The following CEP295NL variants were observed in gnomAD, a reference collection of about 807,000 sequenced individuals.
CEP295NL encodes CEP295 N-terminal like, also known as protein DDC8 homolog.
Under a neutral mutation model 4.6 loss-of-function variants are expected in CEP295NL, and 3 were observed. That is an observed-to-expected ratio of 0.65 (90% CI 0.30 to 1.69). The LOEUF (loss-of-function observed/expected upper bound fraction) is 1.69, where lower values mean the gene tolerates loss of function less well. Among genes scored for constraint, CEP295NL ranks in the 40% most tolerant of loss-of-function variants. CEP295NL has a pLI of 0.10. For missense variants in CEP295NL, 719 were observed against 769.0 expected (o/e 0.93, Z 0.77); for synonymous variants, 295 against 312.2 (o/e 0.94, Z 0.58).
chr17:78,893,351 G>T (rs1035439732), intron 2 of CEP295NL, among the ~76,000 whole-genome samples: 1 of 147,278 alleles, frequency 6.8e-6, no homozygotes, highest in Non-Finnish European at 1.5e-5. Context: ...GTGTGCAGGG[G>T]TGTGTGTGCA....
rs2069888734 is a variant in CEP295NL, at chr17:78,891,289, T to C, written c.1215A>G (p.Glu405=). Reference sequence around the variant, plus strand: ...CCTCCTCCTCTGCTGGGCTCCTGGGTTCCCCGGCAGGCAGCATCTCTGGGT... The same window carrying C: ...CCTCCTCCTCTGCTGGGCTCCTGGGCTCCCCGGCAGGCAGCATCTCTGGGT... ...MADPEMLPAG[E]PRSPAEEEAQ... is the part of the protein sequence containing the mutation. Residue 405 remains glutamate, a synonymous_variant, in exon 3 of 3, where the codon GAA becomes GAG. Coordinates refer to ENST00000322630, the MANE Select transcript of CEP295NL (RefSeq NM_001243540.2). The surrounding 1 kb of genome is among the most constrained non-coding windows in gnomAD (Gnocchi z 4.5). 2.6e-6 allele frequency: 4 copies of C among 1,550,564 alleles called. No homozygotes were observed. The South Asian group carries it at 4.8e-5, about 18-fold the overall frequency.
Position 78,890,673 on chromosome 17 carries a change from G to C in CEP295NL, c.1831C>G (p.Arg611Gly), listed in dbSNP as rs1474254494. The change falls in exon 3 of 3, where the codon CGG (arginine) becomes GGG (glycine). Residue 611 changes from arginine to glycine, a missense_variant. Arg to Gly is a moderately radical substitution (Grantham distance 125, BLOSUM62 -2). Coordinates refer to ENST00000322630, the MANE Select transcript of CEP295NL (RefSeq NM_001243540.2). Reference protein sequence around the residue: ...RLHKQFLEEARKCLREFQNIC With the variant: ...RLHKQFLEEAGKCLREFQNIC ...TTCTGAAACTCCCGCAAGCATTTCC[G>C]GGCTTCTTCAAGAAACTGCTTGTGC... 3 of 1,550,400 alleles carry C rather than the reference G, an allele frequency of 1.9e-6. No homozygotes were observed. Among genetic ancestry groups the C allele is most frequent in the South Asian group, 2.4e-5 (2 of 84,056 alleles).
chr17:78,894,300 C>G (rs987138142), intron 2 of CEP295NL, among the ~76,000 whole-genome samples: 1 of 151,980 alleles, frequency 6.6e-6, no homozygotes, highest in Non-Finnish European at 1.5e-5. Flanking sequence ...GCTGCTTGGA[C>G]GAACCCCAGC....
intron 2 of CEP295NL, chr17:78,898,765 T>G (rs7209999): frequency 0.11 from 16,651 of 152,254 alleles, 1,022 homozygotes; most frequent in African/African-American, 0.17. Flanking sequence ...TGAGACGGAG[T>G]CTTGCTCTGT....
rs532227310 is a variant in CEP295NL at position 78,893,994 on chromosome 17, C to T, written c.45-1535G>A. On this transcript the variant is annotated intron_variant, in intron 2 of 2. Coordinates refer to ENST00000322630, the MANE Select transcript of CEP295NL (RefSeq NM_001243540.2). The stretch of plus-strand genomic sequence containing the variant: ...GTCCCCCTCCACTGCTCCTTCCCTT[C>T]TTTCATCTTAGTCTATGTGGAACCA... Among the ~76,000 whole-genome samples, 60 of 152,310 alleles carry T rather than the reference C, an allele frequency of 3.9e-4. No individual in the cohort carries two copies. In the South Asian group the frequency reaches 0.012, roughly 31 times the overall value.
At chr17:78,900,473 A>G (rs2070073168) in intron 2 of CEP295NL, among the ~76,000 whole-genome samples, 3 of 151,414 alleles carry the variant, frequency 2.0e-5, no homozygotes. Context: ...TGAACCCAGG[A>G]GGCGGAGGTT....
chr17:78,891,161 T>G lies in CEP295NL; in HGVS notation c.1343A>C (p.Gln448Pro). Residue 448 changes from glutamine to proline, a missense_variant, in exon 3 of 3, where the codon CAA (glutamine) becomes CCA (proline). Transcript: ENST00000322630. The surrounding 1 kb of genome is among the most constrained non-coding windows in gnomAD (Gnocchi z 4.5). ...TATACCTGCCTCGGGAGACAATGTT[T>G]GACTTCCATTTCTAAACGTGGGCTT... ...TVKPTFRNGSQTLSPEAGIFI... is the reference protein window; with the variant it reads ...TVKPTFRNGSPTLSPEAGIFI... 6.4e-7 allele frequency: 1 copy of G among 1,550,694 alleles called. No homozygotes were observed. Among genetic ancestry groups the G allele is most frequent in the Non-Finnish European group, 8.7e-7 (1 of 1,147,014 alleles).
chr17:78,896,026 C>G lies in CEP295NL; in HGVS notation c.45-3567G>C, dbSNP rs934829694. 1.3e-5 allele frequency among the ~76,000 whole-genome samples: 2 copies of G among 152,240 alleles called. No homozygotes were observed. The highest frequency in any genetic ancestry group is 4.8e-5 in the African/African-American group (2 of 41,464). ...AGCAGCGTCAGTTTTCCTGGAGACA[C>G]GCAAACGGGTAAAAACTTAACACAT... On this transcript the variant is annotated intron_variant, in intron 2 of 2. Coordinates refer to ENST00000322630, the MANE Select transcript of CEP295NL (RefSeq NM_001243540.2). The surrounding 1 kb of genome is among the most constrained non-coding windows in gnomAD (Gnocchi z 4.4).
intron 2 of CEP295NL, among the ~76,000 whole-genome samples, chr17:78,900,419 C>T (rs1028383441): frequency 6.6e-6 from 1 of 152,034 alleles, no homozygotes; most frequent in African/African-American, 2.4e-5. Flanking sequence ...GTGGTATATG[C>T]CTGTAATCCC....
Position 78,892,316 on chromosome 17 carries a change from A to G in CEP295NL, c.188T>C (p.Met63Thr), listed in dbSNP as rs1270320567. The change falls in exon 3 of 3, where the codon ATG becomes ACG. Residue 63 changes from methionine (M) to threonine (T), a missense_variant. Coordinates refer to ENST00000322630, the MANE Select transcript of CEP295NL (RefSeq NM_001243540.2). ...ADRNRNMDGA[M>T]WLSLCPDNED... ...GTTATCAGGACAGAGGCTCAGCCACATGGCTCCATCCATGTTTCTGTTCCT... is the reference window on the plus strand; with the variant it reads ...GTTATCAGGACAGAGGCTCAGCCACGTGGCTCCATCCATGTTTCTGTTCCT... The G allele has an allele frequency of 1.3e-6, 2 of 1,550,522 alleles. No individual in the cohort carries two copies. Among genetic ancestry groups the G allele is most frequent in the Non-Finnish European group, 8.7e-7 (1 of 1,147,022 alleles).
At position 78,896,998 on chromosome 17, in the gene CEP295NL, C is replaced by T; in HGVS notation, c.45-4539G>A. 1.0e-6 allele frequency: 1 copy of T among 985,406 alleles called. No individual in the cohort carries two copies. Among genetic ancestry groups the T allele is most frequent in the African/African-American group, 1.7e-5 (1 of 57,340 alleles). 61.0% of individuals were successfully genotyped at this position (985,406 alleles called of 1,614,324 possible). On this transcript the variant is annotated intron_variant, in intron 2 of 2. Coordinates refer to ENST00000322630, the MANE Select transcript of CEP295NL (RefSeq NM_001243540.2). The surrounding 1 kb of genome is among the most constrained non-coding windows in gnomAD (Gnocchi z 4.4). ...AATGACGTCCAAGCAGCTCGCCTTT[C>T]CCTGGGCGGCCGCTCAGACAGCTTT...
At chr17:78,897,114 G>A in intron 2 of CEP295NL, 1 of 483,878 alleles carries the variant, frequency 2.1e-6, no homozygotes, top group Non-Finnish European at 2.7e-6. Context: ...CCCCCCGCCG[G>A]CCTCCTCACC....
chr17:78,895,905 C>G (rs972092702), intron 2 of CEP295NL, among the ~76,000 whole-genome samples: 1 of 152,228 alleles, frequency 6.6e-6, no homozygotes, highest in Non-Finnish European at 1.5e-5. Context: ...ATTAGTAAAA[C>G]CTGGACAAGT....
chr17:78,893,352 T>G (rs2069942102), intron 2 of CEP295NL, among the ~76,000 whole-genome samples: 2 of 139,750 alleles, frequency 1.4e-5, no homozygotes, highest in Admixed American at 7.1e-5. Flanking sequence ...TGTGCAGGGG[T>G]GTGTGTGCAG....
Position 78,892,407 on chromosome 17 carries a change from G to A in CEP295NL, c.97C>T (p.Leu33Phe), listed in dbSNP as rs2069915426. 6.4e-7 allele frequency: 1 copy of A among 1,550,426 alleles called. No homozygotes were observed. ...TTGGAGCCAAGAGTGGAGGGTTCAA[G>A]GGGCGCCCCCGGGCCTGAGGAGCCA... The part of the protein sequence containing the change: ...FCGSSGPGAP[L>F]EPSTLGSKHL... The change falls in exon 3 of 3, where the codon CTT (leucine) becomes TTT (phenylalanine). Residue 33 changes from leucine (L) to phenylalanine (F), a missense_variant. Leu to Phe is a conservative substitution (Grantham distance 22). Coordinates refer to ENST00000322630, the MANE Select transcript of CEP295NL (RefSeq NM_001243540.2).
In CEP295NL at chr17:78,890,584, G is replaced by C. The variant is rs1297459897; in HGVS notation, c.*54C>G. 6.0e-6 allele frequency: 9 copies of C among 1,505,988 alleles called. No homozygotes were observed. The highest frequency in any genetic ancestry group is 7.2e-6 in the Non-Finnish European group (8 of 1,118,196). 93.3% of individuals were successfully genotyped at this position (1,505,988 alleles called of 1,614,324 possible). ...ACAGATCTTAGAGACCCGGGTACCA[G>C]TGCTGGCAGCACCATTATCAGTGAT... On this transcript the variant is annotated 3_prime_UTR_variant, in exon 3 of 3. Transcript: ENST00000322630.
chr17:78,892,918 G>T (rs964213639), intron 2 of CEP295NL, among the ~76,000 whole-genome samples: 2 of 152,156 alleles, frequency 1.3e-5, no homozygotes, highest in African/African-American at 4.8e-5. Context: ...TAGGGATGGA[G>T]GGGCACAAAG....
At chr17:78,893,144 T>A (rs2069930226) in intron 2 of CEP295NL, among the ~76,000 whole-genome samples, 3 of 137,568 alleles carry the variant, frequency 2.2e-5, no homozygotes, top group South Asian at 4.8e-4. Context: ...TGTGTGTGCG[T>A]ACATGTGTGT....
At position 78,891,346 on chromosome 17, in the gene CEP295NL, G is replaced by A. The variant is rs144266402; in HGVS notation, c.1158C>T (p.Gly386=). 139 of 1,550,374 alleles carry A rather than the reference G, an allele frequency of 9.0e-5. No individual in the cohort carries two copies. The highest frequency in any genetic ancestry group is 4.1e-4 in the African/African-American group (30 of 73,100). The change falls in exon 3 of 3, where the codon GGC becomes GGT. Residue 386 remains glycine, a synonymous_variant. Coordinates refer to ENST00000322630, the MANE Select transcript of CEP295NL (RefSeq NM_001243540.2). The surrounding 1 kb of genome is among the most constrained non-coding windows in gnomAD (Gnocchi z 4.5). ...TTTTCTTCCCTCTTGGGGTCCCAGC[G>A]CCACACTCTTGCATCTCTGAGAAGG... The part of the protein sequence containing the change: ...GHAFSEMQEC[G]AGTPRGKKMA...
Sources: allele counts gnomAD v4.1 joint callset (sites outside exome capture counted in the v4.1 genomes callset), GRCh38; gene constraint gnomAD v4.1.1; non-coding constraint Gnocchi (gnomAD v3.1); transcripts MANE v1.5; gene names NCBI Gene and HGNC (gene_info 2026-07-23, HGNC 2026-07-21).